The following PDE11A variants were observed in gnomAD, a reference collection of about 807,000 sequenced individuals.
PDE11A encodes the protein dual 3',5'-cyclic-AMP and -GMP phosphodiesterase 11A.
A neutral mutation model predicts 100.5 loss-of-function variants in PDE11A; 100 were observed. The observed-to-expected ratio is 1.00, with a 90% CI of 0.85 to 1.18. PDE11A has a LOEUF of 1.18. PDE11A is among the 50% of genes most tolerant of loss of function. The pLI is 0.00. For synonymous variants in PDE11A, 381 were observed against 420.8 expected (o/e 0.91, Z 1.16); for missense variants, 1,141 against 1,152.6 (o/e 0.99, Z 0.15).
intron 1 of PDE11A, among the ~76,000 whole-genome samples, chr2:178,107,504 T>G (rs1236043303): frequency 6.6e-6 from 1 of 151,300 alleles, no homozygotes; most frequent in East Asian, 1.9e-4. Context: ...GCTTAGTATG[T>G]GACAGGCATA....
At chr2:177,723,909 G>T (rs549373110) in intron 12 of PDE11A, among the ~76,000 whole-genome samples, 1 of 151,988 alleles carries the variant, frequency 6.6e-6, no homozygotes, top group Non-Finnish European at 1.5e-5. Flanking sequence ...AGTCATTTCC[G>T]ATATCTAGTC....
intron 1 of PDE11A, among the ~76,000 whole-genome samples, chr2:178,037,442 C>A (rs1393173669): frequency 6.6e-6 from 1 of 152,138 alleles, no homozygotes; most frequent in East Asian, 1.9e-4. Flanking sequence ...ATTAGTTCAA[C>A]CATTGTGGAA....
chr2:177,839,105 C>T (rs146554521), intron 6 of PDE11A, among the ~76,000 whole-genome samples: 50 of 152,280 alleles, frequency 3.3e-4, no homozygotes, highest in African/African-American at 1.1e-3. Flanking sequence ...TAAGGTTTTC[C>T]TGCAGAGATC....
intron 2 of PDE11A, among the ~76,000 whole-genome samples, chr2:177,979,481 T>C (rs1367228597): frequency 6.6e-6 from 1 of 150,532 alleles, no homozygotes; most frequent in African/African-American, 2.4e-5. Flanking sequence ...AGCAATGTTT[T>C]TGAAACATGG....
At chr2:177,795,377 C>T (rs1170703362) in intron 9 of PDE11A, among the ~76,000 whole-genome samples, 1 of 152,222 alleles carries the variant, frequency 6.6e-6, no homozygotes, top group East Asian at 1.9e-4. Flanking sequence ...GGCCCAACAC[C>T]TGAGCCAATG....
chr2:177,917,999 G>A (rs140774533), intron 2 of PDE11A, among the ~76,000 whole-genome samples: 3 of 152,284 alleles, frequency 2.0e-5, no homozygotes, highest in South Asian at 2.1e-4. Context: ...GATATAATTC[G>A]TAAGTTGTAT....
At chr2:177,863,723 C>T (rs1352169885) in intron 5 of PDE11A, among the ~76,000 whole-genome samples, 2 of 151,868 alleles carry the variant, frequency 1.3e-5, no homozygotes, top group Non-Finnish European at 2.9e-5. Flanking sequence ...GAAAAGAGAA[C>T]TCTTTACACT....
At chr2:177,747,568 G>A (rs1372347695) in intron 10 of PDE11A, among the ~76,000 whole-genome samples, 3 of 152,130 alleles carry the variant, frequency 2.0e-5, no homozygotes, top group Non-Finnish European at 4.4e-5. Flanking sequence ...GTTCCAAACT[G>A]GTCTCTTGGG....
rs144358645 is a variant in PDE11A at position 177,628,313 on chromosome 2, T to C, written c.*1094A>G. On this transcript the variant is annotated 3_prime_UTR_variant, in exon 20 of 20. Coordinates refer to ENST00000286063, the MANE Select transcript of PDE11A (RefSeq NM_016953.4). ...ACATACCATGTCCACAATTTCTCAATATAGGGAGCAAAGCAGCTTTCTAGT... is the reference window on the plus strand; with the variant it reads ...ACATACCATGTCCACAATTTCTCAACATAGGGAGCAAAGCAGCTTTCTAGT... 1 of 152,758 alleles carries C rather than the reference T, an allele frequency of 6.5e-6. No individual in the cohort carries two copies. Among genetic ancestry groups the C allele is most frequent in the East Asian group, 1.9e-4 (1 of 5,186 alleles). 9.5% of individuals were successfully genotyped at this position (152,758 alleles called of 1,614,324 possible).
intron 2 of PDE11A, among the ~76,000 whole-genome samples, chr2:177,999,306 C>T (rs1448118436): frequency 2.6e-5 from 4 of 152,354 alleles, no homozygotes; most frequent in Non-Finnish European, 4.4e-5. Flanking sequence ...GATCGTGGTT[C>T]TCTGTCTTCA....
At chr2:177,922,766 T>C in intron 2 of PDE11A, 1 of 985,358 alleles carries the variant, frequency 1.0e-6, no homozygotes, top group Non-Finnish European at 1.2e-6. Flanking sequence ...AAGCCCTTCA[T>C]AATCTATTCC....
At chr2:177,812,847 C>T (rs1363448346) in intron 9 of PDE11A, among the ~76,000 whole-genome samples, 1 of 152,154 alleles carries the variant, frequency 6.6e-6, no homozygotes, top group Admixed American at 6.5e-5. Flanking sequence ...TACACAGGTG[C>T]AATAAGCACA....
intron 6 of PDE11A, among the ~76,000 whole-genome samples, chr2:177,834,316 CTT>C (rs2083356069): frequency 6.6e-6 from 1 of 152,204 alleles, no homozygotes; most frequent in African/African-American, 2.4e-5. Context: ...TGTCCTCAGA[CTT>C]TTTCTGAAGG....
At chr2:177,697,505 T>TA (rs111597020) in intron 14 of PDE11A, 73 bp from the exon 15 acceptor site, 26 of 793,214 alleles carry the variant, frequency 3.3e-5, no homozygotes, top group East Asian at 5.1e-5. Flanking sequence ...TTCCTCTATT[T>TA]AAAAAAAAGT....
chr2:177,693,295 A>G (rs2081067909), intron 15 of PDE11A, among the ~76,000 whole-genome samples: 1 of 152,208 alleles, frequency 6.6e-6, no homozygotes, highest in Non-Finnish European at 1.5e-5. Context: ...CATCAGGCAC[A>G]CACAACATGG....
chr2:177,921,471 CAAA>C (rs370144102), intron 2 of PDE11A, among the ~76,000 whole-genome samples: 2 of 98,438 alleles, frequency 2.0e-5, no homozygotes, highest in Non-Finnish European at 2.2e-5. Context: ...CATCTAAAAG[CAAA>C]AAAAAAAAAA....
At chr2:177,992,453 T>TCGC in intron 2 of PDE11A, among the ~76,000 whole-genome samples, 1 of 143,688 alleles carries the variant, frequency 7.0e-6, no homozygotes, top group Admixed American at 7.1e-5. Context: ...AAACAGAAGT[T>TCGC]ACCAAAATAT....
At chr2:177,675,845 G>T in intron 16 of PDE11A, 3 of 418,532 alleles carry the variant, frequency 7.2e-6, no homozygotes, top group Non-Finnish European at 9.1e-6. Flanking sequence ...GGACAATGTT[G>T]TTGGGTTTTT....
upstream of PDE11A, among the ~76,000 whole-genome samples, chr2:178,074,161 T>C (rs1030954156): frequency 2.6e-5 from 4 of 152,034 alleles, no homozygotes; most frequent in Non-Finnish European, 4.4e-5. Context: ...TTGTAAGAAA[T>C]GTCCAGAATA....
Sources: gnomAD v4.1 joint callset for allele counts (sites outside exome capture counted in the v4.1 genomes callset) on GRCh38, gnomAD v4.1.1 for gene constraint, MANE v1.5 for transcripts, NCBI Gene and HGNC (gene_info 2026-07-23, HGNC 2026-07-21) for gene names.